MTR: variants seen among roughly 807,000 people sequenced by gnomAD.
The protein encoded by MTR is methionine synthase.
In MTR, 84 loss-of-function variants were observed where a neutral mutation model predicts 154.8. That is an observed-to-expected ratio of 0.54 (90% CI 0.45 to 0.65). MTR has a LOEUF of 0.65. MTR is among the 30% of genes least tolerant of loss of function. The pLI is 0.00. For synonymous variants in MTR, 554 were observed against 553.9 expected (o/e 1.00, Z 0.00); for missense variants, 1,275 against 1,570.2 (o/e 0.81, Z 3.18).
In MTR at chr1:236,898,605, G is replaced by A. The variant is rs1666790051; in HGVS notation, c.*961G>A. On this transcript the variant is annotated 3_prime_UTR_variant, in exon 33 of 33. Coordinates refer to ENST00000366577, the MANE Select transcript of MTR (RefSeq NM_000254.3). Reference sequence around the variant, plus strand: ...TACAAAATACAAAAAAGTAGAGACAGGATTTCACTGTGTTAGCCAGGATGG... The same window carrying A: ...TACAAAATACAAAAAAGTAGAGACAAGATTTCACTGTGTTAGCCAGGATGG... The A allele has an allele frequency of 1.3e-5, 2 of 152,050 alleles. No homozygotes were observed. Among genetic ancestry groups the A allele is most frequent in the South Asian group, 2.1e-4 (1 of 4,814 alleles). 9.4% of individuals were successfully genotyped at this position (152,050 alleles called of 1,614,324 possible). A position where few individuals can be genotyped will look rare whatever the true frequency, so the allele number is the denominator to read the frequency against.
In MTR at chr1:236,812,830, A is replaced by G; in HGVS notation, c.595A>G (p.Thr199Ala). ...CTTACTCATTGAAACTATTTTTGAT[A>G]CTGCCAATGCCAAGGTGAGTTAAGG... ...DILLIETIFD[T>A]ANAKAALFAL... Residue 199 changes from threonine (T) to alanine (A), a missense_variant, in exon 6 of 33, where the codon ACT (threonine) becomes GCT (alanine). Thr to Ala is a moderately conservative substitution (Grantham distance 58). Transcript: ENST00000366577. The G allele has an allele frequency of 6.2e-7, 1 of 1,614,010 alleles. No homozygotes were observed. Among genetic ancestry groups the G allele is most frequent in the Admixed American group, 1.7e-5 (1 of 60,008 alleles).
rs543594315 is a variant in MTR at position 236,880,716 on chromosome 1, T to C, written c.2595-39T>C. On this transcript the variant is annotated intron_variant, in intron 24 of 32. Transcript: ENST00000366577. ...ACAAGAGTTGTATAGGAACTGTCAG[T>C]GCTGATGGATATATTTTCTTTCTGA... 4.1e-5 allele frequency: 61 copies of C among 1,501,198 alleles called. 1 individual carries two copies. In the South Asian group the frequency reaches 6.4e-4, roughly 16 times the overall value. The allele number at this position is 1,501,198 out of a possible 1,614,324, so 93.0% of individuals were successfully genotyped here.
intron 18 of MTR, among the ~76,000 whole-genome samples, chr1:236,859,422 G>A (rs1664394050): frequency 6.6e-6 from 1 of 152,184 alleles, no homozygotes; most frequent in Non-Finnish European, 1.5e-5. Context: ...CTCCTAGTGT[G>A]CCCACCTTTG....
intron 18 of MTR, among the ~76,000 whole-genome samples, chr1:236,853,976 A>G (rs1226717613): frequency 6.6e-6 from 1 of 152,234 alleles, no homozygotes; most frequent in Admixed American, 6.5e-5. Context: ...TCTGTTTAAG[A>G]GAATGATGGC....
chr1:236,834,366 G>A (rs1377620619), intron 13 of MTR, among the ~76,000 whole-genome samples: 2 of 152,162 alleles, frequency 1.3e-5, no homozygotes, highest in Non-Finnish European at 2.9e-5. Context: ...TTTTAGTAGA[G>A]ATGGAGTTTT....
intron 11 of MTR, among the ~76,000 whole-genome samples, chr1:236,828,037 G>C (rs1662393666): frequency 6.6e-6 from 1 of 152,092 alleles, no homozygotes; most frequent in Non-Finnish European, 1.5e-5. Flanking sequence ...GAGTGCAGTG[G>C]TGCGATCTCG....
intron 1 of MTR, chr1:236,800,608 C>T: frequency 1.9e-6 from 1 of 539,858 alleles, no homozygotes; most frequent in South Asian, 8.0e-5. Context: ...TATGCCATTC[C>T]TGCCCCAACA....
chr1:236,883,257 T>C (rs1665848522), intron 25 of MTR, among the ~76,000 whole-genome samples: 3 of 152,200 alleles, frequency 2.0e-5, no homozygotes. Flanking sequence ...AAACACATGA[T>C]GGATTTGATT....
chr1:236,795,848 T>G, intron 1 of MTR, 111 bp downstream of exon 1: 1 of 1,535,936 alleles, frequency 6.5e-7, no homozygotes, highest in Non-Finnish European at 8.9e-7. Context: ...CGGCGGTGTT[T>G]CCCCGCGTGT....
At chr1:236,896,962 A>T in intron 31 of MTR, 44 bp from the exon 32 acceptor site, 1 of 1,421,110 alleles carries the variant, frequency 7.0e-7, no homozygotes, top group Non-Finnish European at 1.0e-6. Context: ...GCCCTGTGCT[A>T]GACACTGAGT....
intron 2 of MTR, among the ~76,000 whole-genome samples, chr1:236,804,068 C>G (rs1310087697): frequency 6.6e-6 from 1 of 152,202 alleles, no homozygotes; most frequent in East Asian, 1.9e-4. Flanking sequence ...GTTCTGGAAG[C>G]TGGAAGTCCA....
rs1413818790 is a variant in MTR, at chr1:236,895,484, CCCAGCCAGCCCGA to C, written c.3536_3548del (p.Ser1179ThrfsTer21). On this transcript the variant is annotated frameshift_variant, in exon 31 of 33. Coordinates refer to ENST00000366577, the MANE Select transcript of MTR (RefSeq NM_000254.3). LOFTEE classifies it high-confidence loss of function. ...GGGCATCCGCCCGGCTCCTGGCTACCCCAGCCAGCCCGACCACACCGAGAAGCTCACCATGTGG... is the reference window on the plus strand; with the variant it reads ...GGGCATCCGCCCGGCTCCTGGCTACCCCACACCGAGAAGCTCACCATGTGG... 6.3e-7 allele frequency: 1 copy of C among 1,595,324 alleles called. No homozygotes were observed. Among genetic ancestry groups the C allele is most frequent in the South Asian group, 1.1e-5 (1 of 87,780 alleles).
intron 5 of MTR, chr1:236,811,578 AC>A (rs1157793959): frequency 2.2e-6 from 1 of 456,050 alleles, no homozygotes; most frequent in Non-Finnish European, 4.4e-6. Context: ...GTGCTGTGAT[AC>A]CACACTTTTT....
At position 236,900,276 on chromosome 1, in the gene MTR, A is replaced by G. The variant is rs540609427; in HGVS notation, c.*2632A>G. ...CAGCTATACCTCACAATAAGAATGAATCTCAGAAAATATTAAGGAAAAAAG... is the reference window on the plus strand; with the variant it reads ...CAGCTATACCTCACAATAAGAATGAGTCTCAGAAAATATTAAGGAAAAAAG... On this transcript the variant is annotated 3_prime_UTR_variant, in exon 33 of 33. Transcript: ENST00000366577. The G allele has an allele frequency of 4.6e-6, 1 of 219,416 alleles. No individual in the cohort carries two copies. The highest frequency in any genetic ancestry group is 9.6e-6 in the Non-Finnish European group (1 of 103,778). 13.6% of individuals were successfully genotyped at this position (219,416 alleles called of 1,614,324 possible).
intron 18 of MTR, 79 bp from the exon 19 acceptor site, chr1:236,859,754 G>T: frequency 3.8e-6 from 4 of 1,054,346 alleles, no homozygotes; most frequent in Non-Finnish European, 4.4e-6. Context: ...AGGTTTTTTT[G>T]TTTGTTTGTT....
In MTR at chr1:236,835,590, A is replaced by T. The variant is rs886046219; in HGVS notation, c.1232A>T (p.Gln411Leu). The change falls in exon 14 of 33, where the codon CAG becomes CTG. Residue 411 changes from glutamine (Q) to leucine (L), a missense_variant. Transcript: ENST00000366577. ...VAKVQVEMGA[Q>L]VLDVNMDDGM... Reference sequence around the variant, plus strand: ...AAAGTGCAGGTGGAAATGGGAGCCCAGGTGTTGGATGTCAACATGGATGAT... The same window carrying T: ...AAAGTGCAGGTGGAAATGGGAGCCCTGGTGTTGGATGTCAACATGGATGAT... 6.2e-7 allele frequency: 1 copy of T among 1,611,232 alleles called. No homozygotes were observed. The highest frequency in any genetic ancestry group is 8.5e-7 in the Non-Finnish European group (1 of 1,179,534).
intron 1 of MTR, chr1:236,800,420 T>G (rs1660639974): frequency 1.0e-6 from 1 of 985,332 alleles, no homozygotes; most frequent in African/African-American, 1.7e-5. Context: ...TGATGTCATT[T>G]CAGGGAGAAT....
intron 18 of MTR, among the ~76,000 whole-genome samples, chr1:236,857,829 C>T (rs2103279229): frequency 6.6e-6 from 1 of 152,294 alleles, no homozygotes; most frequent in Admixed American, 6.5e-5. Flanking sequence ...TCAGGGAAAG[C>T]TTCCCAGGGG....
chr1:236,893,540 G>GAGCTGA (rs1666453136), intron 29 of MTR, among the ~76,000 whole-genome samples: 1 of 152,204 alleles, frequency 6.6e-6, no homozygotes. Flanking sequence ...ATGTCACAAG[G>GAGCTGA]TGGTTGAGAG....
Sources: gnomAD v4.1 joint callset for allele counts (sites outside exome capture counted in the v4.1 genomes callset) on GRCh38, gnomAD v4.1.1 for gene constraint, MANE v1.5 for transcripts, NCBI Gene and HGNC (gene_info 2026-07-23, HGNC 2026-07-21) for gene names.